MCPH1: variants seen among roughly 807,000 people sequenced by gnomAD.
The protein encoded by MCPH1 is microcephalin 1.
A neutral mutation model predicts 84.5 loss-of-function variants in MCPH1; 104 were observed. The ratio of observed to expected loss-of-function variants is 1.23; its 90% CI spans 1.05 to 1.45. The LOEUF is 1.45. Ranked by LOEUF, MCPH1 falls within the 40% of genes most tolerant of loss-of-function variation. The probability of loss-of-function intolerance (pLI) is 0.00; values close to 1 mark genes in which losing one functional copy is unlikely to be tolerated. For synonymous variants in MCPH1, 514 were observed against 366.8 expected (o/e 1.40, Z -4.58); for missense variants, 1,498 against 1,005.7 (o/e 1.49, Z -6.62).
chr8:6,512,600 C>G (rs3020216), intron 12 of MCPH1, among the ~76,000 whole-genome samples: 1 of 151,906 alleles, frequency 6.6e-6, no homozygotes, highest in African/African-American at 2.4e-5. Context: ...CTCTGCCCCT[C>G]CCGTTGCACA....
At chr8:6,408,068 C>T (rs928052922) in intron 1 of MCPH1, among the ~76,000 whole-genome samples, 2 of 152,198 alleles carry the variant, frequency 1.3e-5, no homozygotes, top group Admixed American at 1.3e-4. Flanking sequence ...TACCATCTGT[C>T]TCTTTACAGA....
rs199506455 is a variant in MCPH1 at position 6,414,849 on chromosome 8, G to A, written c.199G>A (p.Gly67Ser). 1.9e-6 allele frequency: 3 copies of A among 1,613,798 alleles called. No individual in the cohort carries two copies. The highest frequency in any genetic ancestry group is 2.5e-6 in the Non-Finnish European group (3 of 1,179,898). Residue 67 changes from glycine to serine, a missense_variant, in exon 3 of 14, where the codon GGC (glycine) becomes AGC (serine). Coordinates refer to ENST00000344683, the MANE Select transcript of MCPH1 (RefSeq NM_024596.5). ...CACTTGGGACAAAGCTCAGAAGAGA[G>A]GCGTAAAGCTCGTTTCGGTGCTCTG... ...QSTWDKAQKRGVKLVSVLWVE... is the reference protein window; with the variant it reads ...QSTWDKAQKRSVKLVSVLWVE...
intron 12 of MCPH1, among the ~76,000 whole-genome samples, chr8:6,534,044 T>C (rs1586440614): frequency 6.6e-6 from 1 of 152,058 alleles, no homozygotes; most frequent in African/African-American, 2.4e-5. Flanking sequence ...AGCTCCCAGC[T>C]CCCTGCATGC....
chr8:6,616,236 C>T (rs1830780154), intron 12 of MCPH1: 1 of 152,058 alleles, frequency 6.6e-6, no homozygotes, highest in Non-Finnish European at 1.5e-5. Flanking sequence ...GTTAGCAGGC[C>T]AAGGAGCGAC....
At chr8:6,486,733 G>T (rs1809976448) in intron 11 of MCPH1, among the ~76,000 whole-genome samples, 1 of 152,160 alleles carries the variant, frequency 6.6e-6, no homozygotes, top group Non-Finnish European at 1.5e-5. Context: ...AGAAAACCAT[G>T]CCAGGAGTTG....
At chr8:6,551,257 G>A (rs1420449446) in intron 12 of MCPH1, among the ~76,000 whole-genome samples, 1 of 152,122 alleles carries the variant, frequency 6.6e-6, no homozygotes, top group East Asian at 1.9e-4. Context: ...CTCATGCAGA[G>A]ACTGTTTATT....
At chr8:6,630,087 A>G (rs1351609426) in intron 13 of MCPH1, among the ~76,000 whole-genome samples, 1 of 152,230 alleles carries the variant, frequency 6.6e-6, no homozygotes, top group Non-Finnish European at 1.5e-5. Context: ...TTGAAAACAA[A>G]TGGATGGCAG....
At chr8:6,426,309 C>T (rs1231464389) in intron 3 of MCPH1, among the ~76,000 whole-genome samples, 4 of 152,174 alleles carry the variant, frequency 2.6e-5, no homozygotes, top group Non-Finnish European at 5.9e-5. Context: ...TTTCATCACC[C>T]CAAAATCTCC....
At chr8:6,593,848 C>T (rs958578268) in intron 12 of MCPH1, among the ~76,000 whole-genome samples, 3 of 152,216 alleles carry the variant, frequency 2.0e-5, no homozygotes, top group Non-Finnish European at 2.9e-5. Context: ...AGATTGAGAT[C>T]ATTCCACAAC....
intron 3 of MCPH1, among the ~76,000 whole-genome samples, chr8:6,415,362 A>C (rs541319135): frequency 5.7e-4 from 85 of 149,038 alleles, no homozygotes; most frequent in African/African-American, 1.9e-3. Flanking sequence ...ATCTTGGGTC[A>C]CTGCAGCCTC....
chr8:6,426,786 A>T (rs549783662), intron 3 of MCPH1, among the ~76,000 whole-genome samples: 1 of 151,712 alleles, frequency 6.6e-6, no homozygotes, highest in Admixed American at 6.5e-5. Context: ...CATCTTTTGA[A>T]TTTTAGCCAT....
chr8:6,548,293 A>G (rs1040229445), intron 12 of MCPH1, among the ~76,000 whole-genome samples: 4 of 152,058 alleles, frequency 2.6e-5, no homozygotes, highest in Admixed American at 2.6e-4. Context: ...TAGACCTGAC[A>G]GGACTCTACT....
In MCPH1 at chr8:6,621,669, T is replaced by C; in HGVS notation, c.2430T>C (p.Tyr810=). The change falls in exon 13 of 14, where the codon TAT becomes TAC. Residue 810 remains tyrosine (Y), a synonymous_variant. Coordinates refer to ENST00000344683, the MANE Select transcript of MCPH1 (RefSeq NM_024596.5). The part of the protein sequence containing the change: ...YSGKKKATVK[Y]LSEKWVLDSI... ...GAAAGAAGAAAGCCACAGTCAAGTA[T>C]CTGTCTGAGAAATGGGTCTTAGGTA... is the stretch of plus-strand genomic sequence containing the variant. 1 of 1,614,172 alleles carries C rather than the reference T, an allele frequency of 6.2e-7. No homozygotes were observed. The highest frequency in any genetic ancestry group is 1.7e-5 in the Admixed American group (1 of 60,012).
chr8:6,521,694 G>C (rs541695635), intron 12 of MCPH1, among the ~76,000 whole-genome samples: 2 of 152,180 alleles, frequency 1.3e-5, no homozygotes, highest in African/African-American at 4.8e-5. Flanking sequence ...TGGGATATGG[G>C]TGTTTTTTGT....
intron 3 of MCPH1, among the ~76,000 whole-genome samples, chr8:6,422,284 A>C (rs1313339147): frequency 6.6e-6 from 1 of 152,218 alleles, no homozygotes; most frequent in Non-Finnish European, 1.5e-5. Flanking sequence ...AACAAAGGAA[A>C]ATTTAGTTAA....
intron 12 of MCPH1, among the ~76,000 whole-genome samples, chr8:6,534,703 A>T (rs532783996): frequency 2.0e-5 from 3 of 152,226 alleles, no homozygotes; most frequent in African/African-American, 7.2e-5. Flanking sequence ...AACCATCTCT[A>T]TTATAGGCTT....
intron 12 of MCPH1, among the ~76,000 whole-genome samples, chr8:6,607,823 T>A (rs1187816793): frequency 2.0e-5 from 3 of 152,236 alleles, no homozygotes; most frequent in African/African-American, 7.2e-5. Context: ...CAGGTGGAAC[T>A]GTGAGACCAT....
chr8:6,548,044 G>C (rs1822927099), intron 12 of MCPH1, among the ~76,000 whole-genome samples: 1 of 152,132 alleles, frequency 6.6e-6, no homozygotes, highest in African/African-American at 2.4e-5. Context: ...CCAAGTGCCA[G>C]CTTAAACTTT....
chr8:6,433,845 T>C (rs1340167682), intron 4 of MCPH1, among the ~76,000 whole-genome samples: 1 of 152,086 alleles, frequency 6.6e-6, no homozygotes, highest in East Asian at 1.9e-4. Flanking sequence ...TTTTGGGTCC[T>C]TGAGATGGTT....
Sources: gnomAD v4.1 joint callset for allele counts (sites outside exome capture counted in the v4.1 genomes callset) on GRCh38, gnomAD v4.1.1 for gene constraint, MANE v1.5 for transcripts, NCBI Gene and HGNC (gene_info 2026-07-23, HGNC 2026-07-21) for gene names.